Variants in KEAP1 observed in about 807,000 individuals in gnomAD.
The protein encoded by KEAP1 is kelch-like ECH-associated protein 1.
Under a neutral mutation model 59.7 loss-of-function variants are expected in KEAP1, and 26 were observed. That is an observed-to-expected ratio of 0.44 (90% CI 0.32 to 0.60). The LOEUF (loss-of-function observed/expected upper bound fraction) is 0.60, where lower values mean the gene tolerates loss of function less well. Among genes scored for constraint, KEAP1 ranks in the 20% least tolerant of loss-of-function variants. KEAP1 has a pLI of 0.06. For missense variants in KEAP1, 539 were observed against 871.4 expected, an observed-to-expected ratio of 0.62 and a Z score of 4.80; for synonymous variants, 350 against 358.3, an observed-to-expected ratio of 0.98 and a Z score of 0.26.
Position 10,499,672 on chromosome 19 carries a change from T to C in KEAP1, c.362A>G (p.Glu121Gly). 1 of 1,614,116 alleles carries C rather than the reference T, an allele frequency of 6.2e-7. No homozygotes were observed. Among genetic ancestry groups the C allele is most frequent in the Non-Finnish European group, 8.5e-7 (1 of 1,180,024 alleles). Residue 121 changes from glutamate (E) to glycine (G), a missense_variant, in exon 2 of 6, where the codon GAG (glutamate) becomes GGG (glycine). Glu to Gly is a moderately conservative substitution (Grantham distance 98). Coordinates refer to ENST00000171111, the MANE Select transcript of KEAP1 (RefSeq NM_203500.2). The surrounding 1 kb of genome is among the most constrained non-coding windows in gnomAD (Gnocchi z 6.7). ...GTGGATACCCTCAATGGACACCACCTCCATGCCCTGCTCCCGCAGCCCGTT... is the reference window on the plus strand; with the variant it reads ...GTGGATACCCTCAATGGACACCACCCCCATGCCCTGCTCCCGCAGCCCGTT... ...FTNGLREQGM[E>G]VVSIEGIHPK...
intron 2 of KEAP1, chr19:10,492,751 T>G: frequency 6.4e-6 from 1 of 157,110 alleles, no homozygotes; most frequent in Non-Finnish European, 1.4e-5. Flanking sequence ...GAGTTAATAC[T>G]ATGTGCCAAG....
At chr19:10,486,922 C>A (rs1023739531) in intron 5 of KEAP1, 104 bp from the exon 6 acceptor site, 2 of 1,225,364 alleles carry the variant, frequency 1.6e-6, no homozygotes, top group Non-Finnish European at 2.3e-6. Flanking sequence ...GCAGGCCGGG[C>A]GTGGTGGCTC....
chr19:10,495,823 T>C (rs928514782), intron 2 of KEAP1, among the ~76,000 whole-genome samples: 1 of 152,168 alleles, frequency 6.6e-6, no homozygotes, highest in Admixed American at 6.6e-5. Context: ...TCCTCCTCTG[T>C]AAAATGGGAT....
Position 10,495,485 on chromosome 19 carries a change from G to C in KEAP1, c.640-3223C>G, listed in dbSNP as rs567537528. Among the ~76,000 whole-genome samples, 6 of 152,220 alleles carry C rather than the reference G, an allele frequency of 3.9e-5. No individual in the cohort carries two copies. In the East Asian group the frequency reaches 9.6e-4, roughly 24 times the overall value. On this transcript the variant is annotated intron_variant, in intron 2 of 5. Transcript: ENST00000171111. ...GGCCAAAGCAGGCGGATCACCTGAG[G>C]TCAGAAGTCCGAGACCAGCCTGGCC...
chr19:10,492,728 GA>G (rs887698496), intron 2 of KEAP1: 616 of 133,580 alleles, frequency 4.6e-3, no homozygotes, highest in Middle Eastern at 0.015. Context: ...CTGTCTCAAA[GA>G]AAAAAAAAAA....
At chr19:10,487,984 C>T (rs188675265) in intron 5 of KEAP1, among the ~76,000 whole-genome samples, 77 of 151,926 alleles carry the variant, frequency 5.1e-4, no homozygotes, top group Non-Finnish European at 9.9e-4. Context: ...CAAAATTAGC[C>T]GGGCGTGGTG....
Position 10,495,183 on chromosome 19 carries a change from G to T in KEAP1, c.640-2921C>A, listed in dbSNP as rs1914812583. ...CTGAGTTTATTTTTTAAGAGACAGGGTCTTGCTCTGTCACCTATGGTGGAG... is the reference window on the plus strand; with the variant it reads ...CTGAGTTTATTTTTTAAGAGACAGGTTCTTGCTCTGTCACCTATGGTGGAG... On this transcript the variant is annotated intron_variant, in intron 2 of 5. Coordinates refer to ENST00000171111, the MANE Select transcript of KEAP1 (RefSeq NM_203500.2). Among the ~76,000 whole-genome samples, 5 of 151,650 alleles carry T rather than the reference G, an allele frequency of 3.3e-5. No homozygotes were observed. The South Asian group carries it at 6.3e-4, about 19-fold the overall frequency.
At position 10,489,231 on chromosome 19, in the gene KEAP1, G is replaced by A. The variant is rs200828680; in HGVS notation, c.1669C>T (p.Leu557=). 32 of 1,612,396 alleles carry A rather than the reference G, an allele frequency of 2.0e-5. No homozygotes were observed. Among genetic ancestry groups the A allele is most frequent in the Non-Finnish European group, 2.6e-5 (31 of 1,179,982 alleles). ...CTCCCCTGGTGGACAGTGATCCCCA[G>A]GGCACTTCGCCGGTGCTTCATGGGG... is the stretch of plus-strand genomic sequence containing the variant. The part of the protein sequence containing the change: ...VAPMKHRRSA[L]GITVHQGRIY... Residue 557 remains leucine (L), a synonymous_variant, in exon 5 of 6, where the codon CTG becomes TTG. Coordinates refer to ENST00000171111, the MANE Select transcript of KEAP1 (RefSeq NM_203500.2).
intron 4 of KEAP1, 40 bp from the exon 5 acceptor site, chr19:10,489,408 G>T (rs1914591947): frequency 2.5e-6 from 4 of 1,580,618 alleles, no homozygotes; most frequent in Non-Finnish European, 3.5e-6. Context: ...CTGGGGGTCT[G>T]GCTTTGGGAA....
At chr19:10,500,940 G>T (rs1176129876) in intron 1 of KEAP1, among the ~76,000 whole-genome samples, 3 of 152,124 alleles carry the variant, frequency 2.0e-5, no homozygotes, top group Non-Finnish European at 4.4e-5. Context: ...TTGGCATCCC[G>T]AAGTGCTGGG....
chr19:10,494,424 G>A (rs1380645930), intron 2 of KEAP1, among the ~76,000 whole-genome samples: 15 of 136,908 alleles, frequency 1.1e-4, no homozygotes, highest in East Asian at 7.2e-4. Flanking sequence ...TCCACCTCCC[G>A]GGTTCACGCC....
rs757805824 is a variant in KEAP1 at position 10,489,271 on chromosome 19, C to T, written c.1629G>A (p.Thr543=). The T allele has an allele frequency of 4.3e-6, 7 of 1,613,710 alleles. No homozygotes were observed. Among genetic ancestry groups the T allele is most frequent in the African/African-American group, 4.0e-5 (3 of 74,910 alleles). The change falls in exon 5 of 6, where the codon ACG becomes ACA. Residue 543 remains threonine, a synonymous_variant. Coordinates refer to ENST00000171111, the MANE Select transcript of KEAP1 (RefSeq NM_203500.2). ...SVERYDVETE[T]WTFVAPMKHR... ...GCTTCATGGGGGCTACGAAAGTCCA[C>T]GTCTCTGTTTCCACATCGTAGCGCT...
At chr19:10,488,923 A>G (rs1914567696) in intron 5 of KEAP1, among the ~76,000 whole-genome samples, 1 of 151,216 alleles carries the variant, frequency 6.6e-6, no homozygotes, top group Admixed American at 6.6e-5. Context: ...ACTGTGAGAC[A>G]CCATCTCAAA....
intron 2 of KEAP1, among the ~76,000 whole-genome samples, chr19:10,496,584 G>T (rs1376934615): frequency 6.6e-6 from 1 of 150,684 alleles, no homozygotes; most frequent in Non-Finnish European, 1.5e-5. Flanking sequence ...GGCGGATCAC[G>T]TGAGGTAAGG....
In KEAP1 at chr19:10,499,313, T is replaced by A; in HGVS notation, c.639+82A>T. On this transcript the variant is annotated intron_variant, in intron 2 of 5. Transcript: ENST00000171111. The surrounding 1 kb of genome is among the most constrained non-coding windows in gnomAD (Gnocchi z 6.7). ...TTTTCTCCAGTTTCCTGCCTTGACA[T>A]CTCAAGGGGAGACAGTGATGAGCAC... is the stretch of plus-strand genomic sequence containing the variant. The A allele has an allele frequency of 1.6e-6, 2 of 1,275,254 alleles. No homozygotes were observed. The highest frequency in any genetic ancestry group is 2.2e-6 in the Non-Finnish European group (2 of 929,792). 79.0% of individuals were successfully genotyped at this position (1,275,254 alleles called of 1,614,324 possible).
chr19:10,487,947 G>A (rs770631069), intron 5 of KEAP1, among the ~76,000 whole-genome samples: 1 of 152,004 alleles, frequency 6.6e-6, no homozygotes, highest in Non-Finnish European at 1.5e-5. Flanking sequence ...TGACCAACAT[G>A]GAGAAAACCC....
rs1282122570 is a variant in KEAP1, at chr19:10,499,555, A to T, written c.479T>A (p.Val160Asp). Residue 160 changes from valine (V) to aspartate (D), a missense_variant, in exon 2 of 6, where the codon GTC becomes GAC. By Grantham distance (152) the Val-to-Asp change is radical. Around this residue, in one of 4 missense-constraint regions of KEAP1, gnomAD observed 166 missense variants for 295.8 expected, o/e 0.56. Transcript: ENST00000171111. This position sits in a 1 kb window ranked among gnomAD's most constrained non-coding sequence, Gnocchi z 6.7. Reference protein sequence around the residue: ...KCVLHVMNGAVMYQIDSVVRA... With the variant: ...KCVLHVMNGADMYQIDSVVRA... ...GACAACGCTGTCGATCTGGTACATG[A>T]CAGCACCGTTCATGACGTGGAGGAC... is the stretch of plus-strand genomic sequence containing the variant. 1 of 1,614,104 alleles carries T rather than the reference A, an allele frequency of 6.2e-7. No homozygotes were observed. Among genetic ancestry groups the T allele is most frequent in the Non-Finnish European group, 8.5e-7 (1 of 1,180,034 alleles).
chr19:10,494,188 C>T (rs1214459104), intron 2 of KEAP1, among the ~76,000 whole-genome samples: 1 of 151,876 alleles, frequency 6.6e-6, no homozygotes, highest in Non-Finnish European at 1.5e-5. Flanking sequence ...AAGTGGCCCA[C>T]CCCCTTGCCT....
intron 4 of KEAP1, 135 bp downstream of exon 4, chr19:10,489,513 A>G (rs940060594): frequency 2.5e-5 from 31 of 1,246,576 alleles, no homozygotes; most frequent in Non-Finnish European, 3.5e-5. Context: ...CTTGGACTCT[A>G]TCAGAATCCA....
Sources: gnomAD v4.1 joint callset for allele counts (sites outside exome capture counted in the v4.1 genomes callset) on GRCh38, gnomAD v4.1.1 for gene constraint, gnomAD v4.1.1 regional missense constraint, Gnocchi (gnomAD v3.1) non-coding constraint, MANE v1.5 for transcripts, NCBI Gene and HGNC (gene_info 2026-07-23, HGNC 2026-07-21) for gene names.